The following MRPS18C variants were observed in gnomAD, a reference collection of about 807,000 sequenced individuals.
MRPS18C encodes mitochondrial ribosomal protein S18C, also known as small ribosomal subunit protein bS18m.
Under a neutral mutation model 21.0 loss-of-function variants are expected in MRPS18C, and 21 were observed. That is an observed-to-expected ratio of 1.00 (90% CI 0.71 to 1.44). The LOEUF is 1.44. MRPS18C is among the 40% of genes most tolerant of loss of function. MRPS18C has a pLI of 0.00. For missense variants in MRPS18C, 152 were observed against 171.5 expected, an observed-to-expected ratio of 0.89 and a Z score of 0.64; for synonymous variants, 65 against 54.3, an observed-to-expected ratio of 1.20 and a Z score of -0.87.
chr4:83,458,229 T>G (rs772040580), intron 2 of MRPS18C, 117 bp from the exon 3 acceptor site: 1 of 704,784 alleles, frequency 1.4e-6, no homozygotes, highest in Non-Finnish European at 2.4e-6. Flanking sequence ...ATACAAAATA[T>G]GTACACAGTA....
In MRPS18C at chr4:83,456,965, A is replaced by AT. The variant is rs199634680; in HGVS notation, c.150+16dup. On this transcript the variant is annotated splice_region_variant and intron_variant, in intron 2 of 5. Transcript: ENST00000295491. ...ATCCAGCAATGAGGACCTGGTAAGA[A>AT]TTTTTTTTTCTATTAGTAAGGCCTT... 644 of 1,603,850 alleles carry AT rather than the reference A, an allele frequency of 4.0e-4. 1 individual carries two copies. In the East Asian group the frequency reaches 7.6e-3, roughly 19 times the overall value.
rs11397235 is a variant in MRPS18C, at chr4:83,458,646, G to GTT, written c.234+223_234+224dup. 1.7e-4 allele frequency: 68 copies of GTT among 407,132 alleles called. 1 individual carries two copies. The highest frequency in any genetic ancestry group is 1.4e-3 in the African/African-American group (65 of 46,632). 25.2% of individuals were successfully genotyped at this position (407,132 alleles called of 1,614,324 possible). A position where few individuals can be genotyped will look rare whatever the true frequency, so the allele number is the denominator to read the frequency against. ...CCCCACTTACTGTTATTTCCACTCT[G>GTT]TTTTTTTCACTACCCCAAACATCTT... On this transcript the variant is annotated intron_variant, in intron 3 of 5. Coordinates refer to ENST00000295491, the MANE Select transcript of MRPS18C (RefSeq NM_016067.4).
rs749242864 is a variant in MRPS18C at position 83,461,052 on chromosome 4, C to T, written c.352+20C>T. On this transcript the variant is annotated intron_variant, in intron 5 of 5. Coordinates refer to ENST00000295491, the MANE Select transcript of MRPS18C (RefSeq NM_016067.4). ...TAATGGGTAAGAAAGAATACCTCAA[C>T]AACTGAATTGAGCTAGCTGAAATTT... 5.6e-6 allele frequency: 9 copies of T among 1,611,860 alleles called. No individual in the cohort carries two copies. Among genetic ancestry groups the T allele is most frequent in the Admixed American group, 3.3e-5 (2 of 59,848 alleles).
rs1308024879 is a variant in MRPS18C at position 83,461,673 on chromosome 4, A to G, written c.*476A>G. On this transcript the variant is annotated 3_prime_UTR_variant, in exon 6 of 6. Transcript: ENST00000295491. Reference sequence around the variant, plus strand: ...TTACACCTAATAGACATTGAATATGATAGACATACATGTATATATGTATCA... The same window carrying G: ...TTACACCTAATAGACATTGAATATGGTAGACATACATGTATATATGTATCA... 3 of 257,840 alleles carry G rather than the reference A, an allele frequency of 1.2e-5. No homozygotes were observed. Among genetic ancestry groups the G allele is most frequent in the Non-Finnish European group, 2.3e-5 (3 of 131,698 alleles). The allele number at this position is 257,840 out of a possible 1,614,324, so 16.0% of individuals were successfully genotyped here. A position where few individuals can be genotyped will look rare whatever the true frequency, so the allele number is the denominator to read the frequency against.
chr4:83,460,854 C>G, intron 4 of MRPS18C, 119 bp from the exon 5 acceptor site: 2 of 800,770 alleles, frequency 2.5e-6, no homozygotes, highest in South Asian at 3.2e-5. Flanking sequence ...TGCAGTGAGG[C>G]GAGAGAGCAC....
chr4:83,460,466 T>G (rs1354735681), intron 4 of MRPS18C: 2 of 153,976 alleles, frequency 1.3e-5, no homozygotes, highest in African/African-American at 4.8e-5. Context: ...CACTTGTTTT[T>G]GTAGTTTTGT....
Position 83,461,255 on chromosome 4 carries a change from A to G in MRPS18C, c.*58A>G, listed in dbSNP as rs1216029537. 2.0e-6 allele frequency: 3 copies of G among 1,503,732 alleles called. No homozygotes were observed. The highest frequency in any genetic ancestry group is 2.3e-5 in the South Asian group (2 of 88,088). 93.1% of individuals were successfully genotyped at this position (1,503,732 alleles called of 1,614,324 possible). On this transcript the variant is annotated 3_prime_UTR_variant, in exon 6 of 6. Coordinates refer to ENST00000295491, the MANE Select transcript of MRPS18C (RefSeq NM_016067.4). ...TACAGTAAGTGGTTGTATGATGCCA[A>G]TACTGACTCAAACCAACCTTTGGAT...
Position 83,457,176 on chromosome 4 carries a change from A to G in MRPS18C, c.150+218A>G, listed in dbSNP as rs1578116441. The G allele has an allele frequency of 2.1e-5, 9 of 421,408 alleles. No individual in the cohort carries two copies. The East Asian group carries it at 3.2e-4, about 15-fold the overall frequency. 26.1% of individuals were successfully genotyped at this position (421,408 alleles called of 1,614,324 possible). A position where few individuals can be genotyped will look rare whatever the true frequency, so the allele number is the denominator to read the frequency against. On this transcript the variant is annotated intron_variant, in intron 2 of 5. Transcript: ENST00000295491. ...GTCAGCTGAGTTTTGAAGTAGGGGA[A>G]TTCCTAGATTAGAAGCAAAGCTGCT... is the stretch of plus-strand genomic sequence containing the variant.
Position 83,461,277 on chromosome 4 carries a change from G to C in MRPS18C, c.*80G>C. The stretch of plus-strand genomic sequence containing the variant: ...CCAATACTGACTCAAACCAACCTTT[G>C]GATAGAAAAGTGTTTGAGGAGTGAG... On this transcript the variant is annotated 3_prime_UTR_variant, in exon 6 of 6. Transcript: ENST00000295491. The C allele has an allele frequency of 9.1e-6, 11 of 1,213,216 alleles. No individual in the cohort carries two copies. The highest frequency in any genetic ancestry group is 1.2e-5 in the Non-Finnish European group (10 of 822,056). 75.2% of individuals were successfully genotyped at this position (1,213,216 alleles called of 1,614,324 possible).
intron 4 of MRPS18C, 121 bp from the exon 5 acceptor site, chr4:83,460,852 G>C: frequency 1.3e-6 from 1 of 783,646 alleles, no homozygotes; most frequent in Middle Eastern, 3.8e-4. Flanking sequence ...GTTGCAGTGA[G>C]GCGAGAGAGC....
rs1012390499 is a variant in MRPS18C, at chr4:83,456,928, T to C, written c.120T>C (p.Cys40=). 1 of 1,612,606 alleles carries C rather than the reference T, an allele frequency of 6.2e-7. No homozygotes were observed. Among genetic ancestry groups the C allele is most frequent in the African/African-American group, 1.3e-5 (1 of 75,030 alleles). Residue 40 remains cysteine (C), a synonymous_variant, in exon 2 of 6, where the codon TGT becomes TGC. Transcript: ENST00000295491. ...TCGCAGTGCTTTGGAGAAGAGGTTG[T>C]TCACAACAGGTATCCAGCAATGAGG... ...GTHTVLWRRG[C]SQQVSSNEDL... is the part of the protein sequence containing the mutation.
Position 83,459,811 on chromosome 4 carries a change from TA to T in MRPS18C, c.292+15del. 1 of 1,561,412 alleles carries T rather than the reference TA, an allele frequency of 6.4e-7. No homozygotes were observed. ...GGCACATTACAGGTATGTTCTTTTTTATTATGGGAATATAAATGTAGATACG... is the reference window on the plus strand; with the variant it reads ...GGCACATTACAGGTATGTTCTTTTTTTTATGGGAATATAAATGTAGATACG... On this transcript the variant is annotated intron_variant, in intron 4 of 5. Coordinates refer to ENST00000295491, the MANE Select transcript of MRPS18C (RefSeq NM_016067.4).
Position 83,460,718 on chromosome 4 carries a change from A to G in MRPS18C, c.293-255A>G, listed in dbSNP as rs111663085. On this transcript the variant is annotated intron_variant, in intron 4 of 5. Coordinates refer to ENST00000295491, the MANE Select transcript of MRPS18C (RefSeq NM_016067.4). ...CAGGAGTTCAGGACCAGCCTGGCCA[A>G]TATGGTGAAACCCCGTTTCTACTAC... 5.5e-3 allele frequency: 2,158 copies of G among 394,784 alleles called. 35 individuals carry two copies. The highest frequency in any genetic ancestry group is 0.042 in the African/African-American group (2,026 of 48,124). The allele number at this position is 394,784 out of a possible 1,614,324, so 24.5% of individuals were successfully genotyped here.
Position 83,456,103 on chromosome 4 carries a change from G to A in MRPS18C, c.26G>A (p.Gly9Asp), listed in dbSNP as rs556622664. The A allele has an allele frequency of 1.2e-5, 19 of 1,612,886 alleles. No individual in the cohort carries two copies. Among genetic ancestry groups the A allele is most frequent in the Middle Eastern group, 2.0e-4 (1 of 4,962 alleles). Residue 9 changes from glycine to aspartate, a missense_variant, in exon 1 of 6, where the codon GGT becomes GAT. By Grantham distance (94) the Gly-to-Asp change is moderately conservative. Transcript: ENST00000295491. MAAVVAVCGGLGRKKLTHL... is the reference protein window; with the variant it reads MAAVVAVCDGLGRKKLTHL... ...ATGGCCGCTGTGGTTGCTGTTTGCGGTGGTCTAGGGAGGAAGAAGTTGACA... is the reference window on the plus strand; with the variant it reads ...ATGGCCGCTGTGGTTGCTGTTTGCGATGGTCTAGGGAGGAAGAAGTTGACA...
rs546620300 is a variant in MRPS18C at position 83,461,862 on chromosome 4, A to G, written c.*665A>G. On this transcript the variant is annotated 3_prime_UTR_variant, in exon 6 of 6. Coordinates refer to ENST00000295491, the MANE Select transcript of MRPS18C (RefSeq NM_016067.4). ...TGTAATAATTAAGGCTGCCAGATTTAGCAAGTACAAATGTAGGACAAATTT... is the reference window on the plus strand; with the variant it reads ...TGTAATAATTAAGGCTGCCAGATTTGGCAAGTACAAATGTAGGACAAATTT... 1 of 228,486 alleles carries G rather than the reference A, an allele frequency of 4.4e-6. No homozygotes were observed. Among genetic ancestry groups the G allele is most frequent in the African/African-American group, 2.2e-5 (1 of 45,260 alleles). 14.2% of individuals were successfully genotyped at this position (228,486 alleles called of 1,614,324 possible). A position where few individuals can be genotyped will look rare whatever the true frequency, so the allele number is the denominator to read the frequency against.
intron 2 of MRPS18C, chr4:83,457,259 GTTT>G (rs59746535): frequency 1.3e-4 from 25 of 191,444 alleles, no homozygotes; most frequent in East Asian, 2.4e-4. Context: ...TTTGGGAATT[GTTT>G]TTTTTTTTTT....
At chr4:83,456,995 A>G in intron 2 of MRPS18C, 37 bp downstream of exon 2, 2 of 1,553,422 alleles carry the variant, frequency 1.3e-6, no homozygotes, top group African/African-American at 1.4e-5. Context: ...GGCCTTTGCA[A>G]ATATGACCAA....
chr4:83,460,542 G>C (rs796670592), intron 4 of MRPS18C: 4 of 201,626 alleles, frequency 2.0e-5, no homozygotes, highest in South Asian at 8.2e-5. Flanking sequence ...GATGGAGACT[G>C]TATGGCCCAC....
intron 2 of MRPS18C, 76 bp downstream of exon 2, chr4:83,457,034 G>A (rs1004700753): frequency 3.2e-6 from 4 of 1,233,140 alleles, no homozygotes; most frequent in South Asian, 2.6e-5. Context: ...ACGAGATCTG[G>A]TATTAGACTC....
Sources: gnomAD v4.1 joint callset for allele counts on GRCh38, gnomAD v4.1.1 for gene constraint, MANE v1.5 for transcripts, NCBI Gene and HGNC (gene_info 2026-07-23, HGNC 2026-07-21) for gene names.